MMP26: variants seen among roughly 807,000 people sequenced by gnomAD.
The protein encoded by MMP26 is matrix metalloproteinase-26.
Under a neutral mutation model 31.0 loss-of-function variants are expected in MMP26, and 33 were observed. The ratio of observed to expected loss-of-function variants is 1.06; its 90% CI spans 0.81 to 1.42. The LOEUF is 1.42. Ranked by LOEUF, MMP26 falls within the 40% of genes most tolerant of loss-of-function variation. The pLI is 0.00. For missense variants in MMP26, 347 were observed against 316.1 expected (o/e 1.10, Z -0.74); for synonymous variants, 122 against 114.9 (o/e 1.06, Z -0.40).
chr11:4,894,950 C>T (rs372408069), intron 2 of MMP26, among the ~76,000 whole-genome samples: 2 of 151,930 alleles, frequency 1.3e-5, no homozygotes, highest in African/African-American at 4.8e-5. Context: ...AATTTATGAA[C>T]AGGAAATAGT....
At chr11:4,739,842 C>T (rs916894961) in intron 1 of MMP26, among the ~76,000 whole-genome samples, 2 of 152,092 alleles carry the variant, frequency 1.3e-5, no homozygotes, top group East Asian at 1.9e-4. Flanking sequence ...AGCCATATGT[C>T]TTTGGTCTTG....
Position 4,929,638 on chromosome 11 carries a change from T to C in MMP26, c.-144-58430T>C, listed in dbSNP as rs1851319424. ...CTTTTTATTGCAGTTTTTCTAGTCATTGTGAAATAGAAGGGATAGCTGTTG... is the reference window on the plus strand; with the variant it reads ...CTTTTTATTGCAGTTTTTCTAGTCACTGTGAAATAGAAGGGATAGCTGTTG... On this transcript the variant is annotated intron_variant, in intron 2 of 7. Coordinates refer to ENST00000380390, the MANE Select transcript of MMP26 (RefSeq NM_021801.5). Among the ~76,000 whole-genome samples the C allele has an allele frequency of 1.3e-5, 2 of 152,142 alleles. 1 individual carries two copies. Among genetic ancestry groups the C allele is most frequent in the African/African-American group, 4.8e-5 (2 of 41,460 alleles).
intron 2 of MMP26, among the ~76,000 whole-genome samples, chr11:4,924,548 T>G (rs1851241755): frequency 1.3e-5 from 2 of 152,076 alleles, no homozygotes; most frequent in Admixed American, 1.3e-4. Context: ...AGGAGGCAAA[T>G]AATAGTAGGC....
At chr11:4,716,172 A>T (rs1046462838) in intron 1 of MMP26, among the ~76,000 whole-genome samples, 1 of 152,188 alleles carries the variant, frequency 6.6e-6, no homozygotes, top group African/African-American at 2.4e-5. Flanking sequence ...AATTAAGAAC[A>T]ATCTCCAATT....
At chr11:4,835,193 C>T (rs1182430350) in intron 2 of MMP26, among the ~76,000 whole-genome samples, 2 of 143,052 alleles carry the variant, frequency 1.4e-5, no homozygotes, top group Non-Finnish European at 1.5e-5. Context: ...CTCTCTTCCT[C>T]TCTCTTTCTG....
intron 2 of MMP26, among the ~76,000 whole-genome samples, chr11:4,974,068 A>G (rs1209020476): frequency 6.6e-6 from 1 of 152,182 alleles, no homozygotes; most frequent in African/African-American, 2.4e-5. Flanking sequence ...TCAACTAGAA[A>G]CAAAAAACCG....
chr11:4,840,602 A>C (rs1345013521), intron 2 of MMP26, among the ~76,000 whole-genome samples: 1 of 152,224 alleles, frequency 6.6e-6, no homozygotes, highest in Non-Finnish European at 1.5e-5. Flanking sequence ...AGTCTAGAAG[A>C]AGCACAGCAT....
chr11:4,738,355 C>A (rs926899092), intron 1 of MMP26, among the ~76,000 whole-genome samples: 1 of 152,142 alleles, frequency 6.6e-6, no homozygotes, highest in African/African-American at 2.4e-5. Context: ...ACATGAAGCA[C>A]CTTATTTTGC....
chr11:4,842,795 T>C (rs909884282), intron 2 of MMP26, among the ~76,000 whole-genome samples: 1 of 152,078 alleles, frequency 6.6e-6, no homozygotes, highest in Admixed American at 6.5e-5. Flanking sequence ...AATCTCCAAG[T>C]CCAAAGTCTT....
At chr11:4,949,769 T>C (rs1343787073) in intron 2 of MMP26, among the ~76,000 whole-genome samples, 1 of 123,314 alleles carries the variant, frequency 8.1e-6, no homozygotes, top group East Asian at 2.3e-4. Context: ...ATTTCATTCC[T>C]TAACAAGTTT....
intron 1 of MMP26, among the ~76,000 whole-genome samples, chr11:4,714,896 C>G (rs974224538): frequency 2.8e-5 from 4 of 141,158 alleles, no homozygotes; most frequent in African/African-American, 8.1e-5. Flanking sequence ...AGTAAAACCC[C>G]AAATCTCTCT....
intron 1 of MMP26, among the ~76,000 whole-genome samples, chr11:4,721,345 A>G (rs187583876): frequency 7.9e-5 from 12 of 152,302 alleles, no homozygotes; most frequent in Non-Finnish European, 1.6e-4. Context: ...ATTACATACA[A>G]TCTTCTGAAA....
intron 1 of MMP26, among the ~76,000 whole-genome samples, chr11:4,708,735 C>T (rs1035753798): frequency 1.3e-5 from 2 of 152,160 alleles, no homozygotes; most frequent in Non-Finnish European, 2.9e-5. Context: ...ACCTCCTTCC[C>T]CCAGCCAATC....
intron 2 of MMP26, among the ~76,000 whole-genome samples, chr11:4,873,530 A>C (rs1850337888): frequency 6.6e-6 from 1 of 152,134 alleles, no homozygotes. Context: ...TGAGGGATAG[A>C]AAGATTTAGG....
intron 2 of MMP26, among the ~76,000 whole-genome samples, chr11:4,904,879 A>G (rs1022999735): frequency 1.3e-5 from 2 of 152,166 alleles, no homozygotes; most frequent in Non-Finnish European, 2.9e-5. Context: ...GATGACAGAT[A>G]CATGGGGATA....
rs1589950191 is a variant in MMP26, at chr11:4,956,116, G to A, written c.-144-31952G>A. Among the ~76,000 whole-genome samples, 4 of 152,132 alleles carry A rather than the reference G, an allele frequency of 2.6e-5. No homozygotes were observed. The South Asian group carries it at 8.3e-4, about 32-fold the overall frequency. ...TGTATGTTGTGATCTTCAGTTCTAT[G>A]TGATCAGTTGCCAAAAAAGAAGTCA... On this transcript the variant is annotated intron_variant, in intron 2 of 7. Transcript: ENST00000380390.
intron 1 of MMP26, among the ~76,000 whole-genome samples, chr11:4,746,184 C>A (rs1197270055): frequency 6.6e-6 from 1 of 152,164 alleles, no homozygotes; most frequent in African/African-American, 2.4e-5. Context: ...CGAGTATTTT[C>A]TCACATTATT....
intron 2 of MMP26, among the ~76,000 whole-genome samples, chr11:4,900,603 T>G (rs572919907): frequency 6.6e-6 from 1 of 152,340 alleles, no homozygotes; most frequent in East Asian, 1.9e-4. Context: ...CTAGCTGATA[T>G]AAATTGTCAG....
chr11:4,946,730 C>G lies in MMP26; in HGVS notation c.-144-41338C>G, dbSNP rs1846315067. 3 of 1,589,592 alleles carry G rather than the reference C, an allele frequency of 1.9e-6. No individual in the cohort carries two copies. The African/African-American group carries it at 4.1e-5, about 22-fold the overall frequency. On this transcript the variant is annotated intron_variant, in intron 2 of 7. Coordinates refer to ENST00000380390, the MANE Select transcript of MMP26 (RefSeq NM_021801.5). Reference sequence around the variant, plus strand: ...CAGAGGGTTGTGGATGGCTAGGAATCTATCAAATGACATGATCAGGAGGAC... The same window carrying G: ...CAGAGGGTTGTGGATGGCTAGGAATGTATCAAATGACATGATCAGGAGGAC...
Sources: allele counts gnomAD v4.1 joint callset (sites outside exome capture counted in the v4.1 genomes callset), GRCh38; gene constraint gnomAD v4.1.1; transcripts MANE v1.5; gene names NCBI Gene and HGNC (gene_info 2026-07-23, HGNC 2026-07-21).